Variants in LRRC4C observed in about 807,000 individuals in gnomAD.
LRRC4C encodes the protein leucine rich repeat containing 4C, also known as leucine-rich repeat-containing protein 4C.
In LRRC4C, 5 loss-of-function variants were observed where a neutral mutation model predicts 33.6. The ratio of observed to expected loss-of-function variants is 0.15; its 90% CI spans 0.08 to 0.31. LRRC4C has a LOEUF of 0.31. Ranked by LOEUF, LRRC4C falls within the 10% of genes least tolerant of loss-of-function variation. The pLI is 1.00. For missense variants in LRRC4C, 560 were observed against 796.7 expected (o/e 0.70, Z 3.58); for synonymous variants, 329 against 302.0 (o/e 1.09, Z -0.93).
At chr11:41,162,110 T>C (rs2136034053) in intron 1 of LRRC4C, among the ~76,000 whole-genome samples, 1 of 152,258 alleles carries the variant, frequency 6.6e-6, no homozygotes, top group African/African-American at 2.4e-5. Flanking sequence ...AGAAATACAA[T>C]ATTTCTTCTT....
intron 1 of LRRC4C, among the ~76,000 whole-genome samples, chr11:41,121,778 G>A (rs1942445020): frequency 6.6e-6 from 1 of 152,174 alleles, no homozygotes; most frequent in East Asian, 1.9e-4. Context: ...GAGAAAAGGA[G>A]ATGTTAGCTG....
intron 2 of LRRC4C, among the ~76,000 whole-genome samples, chr11:40,669,856 C>G (rs572226447): frequency 6.6e-6 from 1 of 152,322 alleles, no homozygotes; most frequent in South Asian, 2.1e-4. Flanking sequence ...TTTAACATCT[C>G]TCCTCATTAT....
intron 3 of LRRC4C, among the ~76,000 whole-genome samples, chr11:40,362,556 C>T (rs1426754175): frequency 6.6e-6 from 1 of 152,106 alleles, no homozygotes; most frequent in African/African-American, 2.4e-5. Flanking sequence ...CCTGTCTCTA[C>T]TGAAAATACA....
intron 1 of LRRC4C, among the ~76,000 whole-genome samples, chr11:41,353,807 T>C (rs1293679982): frequency 1.3e-5 from 2 of 151,978 alleles, no homozygotes; most frequent in African/African-American, 2.4e-5. Context: ...ACTCTTTCAA[T>C]AAAATTCAAC....
At chr11:40,464,819 C>G (rs368649672) in intron 3 of LRRC4C, among the ~76,000 whole-genome samples, 1 of 151,816 alleles carries the variant, frequency 6.6e-6, no homozygotes, top group Non-Finnish European at 1.5e-5. Flanking sequence ...TTAGACGACA[C>G]AAGCAAATGG....
At chr11:40,732,994 T>G (rs1947669281) in intron 2 of LRRC4C, among the ~76,000 whole-genome samples, 1 of 149,924 alleles carries the variant, frequency 6.7e-6, no homozygotes, top group African/African-American at 2.4e-5. Flanking sequence ...AGGATCCACA[T>G]CTAGTAACTA....
chr11:41,277,745 T>C (rs1949529022), intron 1 of LRRC4C, among the ~76,000 whole-genome samples: 1 of 152,162 alleles, frequency 6.6e-6, no homozygotes, highest in Non-Finnish European at 1.5e-5. Flanking sequence ...TTCAGAGAAC[T>C]AGAAATTTGA....
At chr11:40,217,178 A>G (rs181270022) in intron 5 of LRRC4C, among the ~76,000 whole-genome samples, 2 of 152,278 alleles carry the variant, frequency 1.3e-5, no homozygotes, top group Admixed American at 1.3e-4. Context: ...GTTAATATGT[A>G]TAGAGTGCTT....
At chr11:40,897,328 A>G (rs537807328) in intron 2 of LRRC4C, among the ~76,000 whole-genome samples, 11 of 152,218 alleles carry the variant, frequency 7.2e-5, no homozygotes, top group South Asian at 2.1e-4. Flanking sequence ...TTTGGTAAGC[A>G]TAGGGGATGG....
intron 1 of LRRC4C, among the ~76,000 whole-genome samples, chr11:41,442,759 G>C (rs193186746): frequency 2.0e-5 from 3 of 151,994 alleles, no homozygotes; most frequent in Admixed American, 2.0e-4. Flanking sequence ...GTGAGCCACC[G>C]CGCCCGGCCT....
At chr11:40,219,740 T>TC (rs1565150159) in intron 5 of LRRC4C, among the ~76,000 whole-genome samples, 10 of 144,462 alleles carry the variant, frequency 6.9e-5, no homozygotes, top group African/African-American at 2.5e-4. Flanking sequence ...GGGGAAGAAA[T>TC]TGGGGGGGTG....
In LRRC4C at chr11:41,221,571, A is replaced by T. The variant is rs181306865; in HGVS notation, c.-496+237860T>A. ...CTAGCTATATACCCAAAGGAGTATAAATCATTCTATTATAAAGACATATGC... is the reference window on the plus strand; with the variant it reads ...CTAGCTATATACCCAAAGGAGTATATATCATTCTATTATAAAGACATATGC... On this transcript the variant is annotated intron_variant, in intron 1 of 6. Coordinates refer to ENST00000528697, the MANE Select transcript of LRRC4C (RefSeq NM_001258419.2). Among the ~76,000 whole-genome samples, 646 of 152,328 alleles carry T rather than the reference A, an allele frequency of 4.2e-3. 4 individuals are homozygous for T. Among genetic ancestry groups the T allele is most frequent in the African/African-American group, 0.015 (611 of 41,566 alleles).
At chr11:40,371,156 G>A (rs1948432538) in intron 3 of LRRC4C, among the ~76,000 whole-genome samples, 1 of 151,984 alleles carries the variant, frequency 6.6e-6, no homozygotes. Flanking sequence ...TGAAACATAA[G>A]ATTCTTAGTT....
chr11:41,208,495 A>C (rs1360625442), intron 1 of LRRC4C, among the ~76,000 whole-genome samples: 2 of 152,192 alleles, frequency 1.3e-5, no homozygotes, highest in African/African-American at 2.4e-5. Flanking sequence ...TCACTCTCTA[A>C]AGGATTACCC....
At chr11:40,950,141 C>T (rs796255057) in intron 1 of LRRC4C, among the ~76,000 whole-genome samples, 36 of 152,136 alleles carry the variant, frequency 2.4e-4, no homozygotes, top group African/African-American at 8.2e-4. Context: ...AGGTCCCACC[C>T]ACCCCTCCTC....
At chr11:40,117,927 T>A (rs1354347828) in intron 6 of LRRC4C, among the ~76,000 whole-genome samples, 2 of 151,358 alleles carry the variant, frequency 1.3e-5, no homozygotes, top group Non-Finnish European at 2.9e-5. Context: ...GAACAATTCC[T>A]CCCACATTGT....
At chr11:40,607,547 G>T (rs1960755557) in intron 3 of LRRC4C, among the ~76,000 whole-genome samples, 1 of 152,090 alleles carries the variant, frequency 6.6e-6, no homozygotes. Flanking sequence ...TTGGTTGAGG[G>T]CCATCAGAGA....
intron 1 of LRRC4C, among the ~76,000 whole-genome samples, chr11:41,163,284 G>GTTTTTTTTTTTTTTTTTTTTTTTTT (rs71466923): frequency 1.4e-5 from 1 of 73,382 alleles, no homozygotes; most frequent in African/African-American, 5.0e-5. Flanking sequence ...TACTGTAACT[G>GTTTTTTTTTTTTTTTTTTTTTTTTT]TTTTTTTTTT....
At chr11:40,308,590 C>T (rs1036112340) in intron 4 of LRRC4C, among the ~76,000 whole-genome samples, 1 of 152,058 alleles carries the variant, frequency 6.6e-6, no homozygotes, top group Admixed American at 6.6e-5. Context: ...GGTCAAATAC[C>T]TTATACTGTC....
Sources: allele counts gnomAD v4.1 joint callset (sites outside exome capture counted in the v4.1 genomes callset), GRCh38; gene constraint gnomAD v4.1.1; transcripts MANE v1.5; gene names NCBI Gene and HGNC (gene_info 2026-07-23, HGNC 2026-07-21).